The following ROBO2 variants were observed in gnomAD, a reference collection of about 807,000 sequenced individuals.
ROBO2 encodes roundabout guidance receptor 2.
Under a neutral mutation model 160.8 loss-of-function variants are expected in ROBO2, and 53 were observed. The observed-to-expected ratio is 0.33, with a 90% CI of 0.26 to 0.41. ROBO2 has a LOEUF of 0.41. ROBO2 is among the 10% of genes least tolerant of loss of function. The pLI, the probability that ROBO2 is intolerant of heterozygous loss-of-function variation, is 1.00. For synonymous variants in ROBO2, 664 were observed against 611.7 expected, an observed-to-expected ratio of 1.09 and a Z score of -1.26; for missense variants, 1,577 against 1,722.4, an observed-to-expected ratio of 0.92 and a Z score of 1.49.
chr3:76,714,813 T>C (rs2093353851), intron 2 of ROBO2, among the ~76,000 whole-genome samples: 1 of 152,158 alleles, frequency 6.6e-6, no homozygotes, highest in Admixed American at 6.5e-5. Context: ...CAGTATCCGA[T>C]GTGAAATATA....
In ROBO2 at chr3:77,332,204, T is replaced by G. The variant is rs954992699; in HGVS notation, c.389-145210T>G. Among the ~76,000 whole-genome samples, 10 of 152,232 alleles carry G rather than the reference T, an allele frequency of 6.6e-5. 1 individual carries two copies. The highest frequency in any genetic ancestry group is 5.9e-4 in the Admixed American group (9 of 15,284). On this transcript the variant is annotated intron_variant, in intron 2 of 25. Transcript: ENST00000461745. ...TATTTTTATGTCTATTGCCTAATACTTTCAAAATGAAAAGAAATGGAACAA... is the reference window on the plus strand; with the variant it reads ...TATTTTTATGTCTATTGCCTAATACGTTCAAAATGAAAAGAAATGGAACAA...
intron 2 of ROBO2, among the ~76,000 whole-genome samples, chr3:76,366,244 T>C (rs533313756): frequency 6.6e-6 from 1 of 152,162 alleles, no homozygotes; most frequent in East Asian, 1.9e-4. Flanking sequence ...AATACTCCTC[T>C]TCCTAGAACC....
intron 6 of ROBO2, among the ~76,000 whole-genome samples, chr3:77,535,267 A>C (rs1229680675): frequency 6.6e-6 from 1 of 151,212 alleles, no homozygotes. Flanking sequence ...AAATGAGATA[A>C]TGGGATGTGA....
intron 2 of ROBO2, among the ~76,000 whole-genome samples, chr3:76,195,048 G>A (rs1288686287): frequency 6.6e-6 from 1 of 152,106 alleles, no homozygotes; most frequent in Non-Finnish European, 1.5e-5. Context: ...AGGGCACCAT[G>A]TTTACATTTG....
intron 2 of ROBO2, among the ~76,000 whole-genome samples, chr3:76,859,565 G>A (rs746841402): frequency 2.6e-5 from 4 of 151,966 alleles, no homozygotes; most frequent in Non-Finnish European, 4.4e-5. Context: ...CTGTTGTCAC[G>A]TCTTCCTTTC....
chr3:76,534,293 TAATAA>T (rs1278645900), intron 2 of ROBO2, among the ~76,000 whole-genome samples: 1 of 152,110 alleles, frequency 6.6e-6, no homozygotes, highest in Non-Finnish European at 1.5e-5. Flanking sequence ...GGAACTGCCC[TAATAA>T]AATAAGTTCT....
chr3:77,307,973 A>T (rs532058491), intron 2 of ROBO2, among the ~76,000 whole-genome samples: 2 of 152,122 alleles, frequency 1.3e-5, no homozygotes, highest in South Asian at 4.1e-4. Flanking sequence ...AGAAAAAAAA[A>T]GTAGGAGTAG....
At chr3:77,490,216 T>G (rs953014716) in intron 4 of ROBO2, among the ~76,000 whole-genome samples, 40 of 149,678 alleles carry the variant, frequency 2.7e-4, no homozygotes, top group Non-Finnish European at 5.3e-4. Context: ...TTCTCCTGCC[T>G]CAGCCTCCCG....
chr3:76,853,318 T>C (rs1307609447), intron 2 of ROBO2, among the ~76,000 whole-genome samples: 1 of 152,104 alleles, frequency 6.6e-6, no homozygotes, highest in African/African-American at 2.4e-5. Flanking sequence ...CAAGAGTTAC[T>C]CAGCCTTAGA....
intron 2 of ROBO2, among the ~76,000 whole-genome samples, chr3:76,462,918 C>A (rs1287464965): frequency 6.6e-6 from 1 of 152,208 alleles, no homozygotes; most frequent in African/African-American, 2.4e-5. Context: ...AAATTTTACA[C>A]TGCCTAGCTT....
chr3:76,752,302 G>C lies in ROBO2; in HGVS notation c.110-345712G>C, dbSNP rs373413639. 4.7e-4 allele frequency among the ~76,000 whole-genome samples: 72 copies of C among 151,948 alleles called. 1 individual carries two copies. The highest frequency in any genetic ancestry group is 3.4e-3 in the Middle Eastern group (1 of 294). On this transcript the variant is annotated intron_variant, in intron 2 of 26. Transcript: ENST00000487694. ...GGGGCCTGTAGTGGGGTGGGGGTAG[G>C]GGGGAGGGATAGCATTAGGAGATAT...
intron 2 of ROBO2, among the ~76,000 whole-genome samples, chr3:76,318,090 A>T (rs2072195185): frequency 6.6e-6 from 1 of 152,018 alleles, no homozygotes; most frequent in Non-Finnish European, 1.5e-5. Flanking sequence ...ATTTACCTGA[A>T]ATATAATTTT....
At chr3:76,815,362 T>G (rs966282558) in intron 2 of ROBO2, among the ~76,000 whole-genome samples, 20 of 151,962 alleles carry the variant, frequency 1.3e-4, no homozygotes, top group African/African-American at 4.8e-4. Context: ...AGCTGAGCTA[T>G]TTTAAACCTA....
At chr3:76,707,978 G>T (rs1292560178) in intron 2 of ROBO2, among the ~76,000 whole-genome samples, 3 of 152,018 alleles carry the variant, frequency 2.0e-5, no homozygotes, top group East Asian at 3.9e-4. Context: ...AAAAAGAGAA[G>T]ATTTGTCTCT....
intron 2 of ROBO2, among the ~76,000 whole-genome samples, chr3:77,328,781 T>A (rs1313165644): frequency 6.6e-6 from 1 of 152,216 alleles, no homozygotes; most frequent in Non-Finnish European, 1.5e-5. Flanking sequence ...AAAGTGTTAT[T>A]CCCACATGCT....
At chr3:76,865,241 G>A (rs1559621342) in intron 2 of ROBO2, among the ~76,000 whole-genome samples, 1 of 152,042 alleles carries the variant, frequency 6.6e-6, no homozygotes. Context: ...CTTTTCATTT[G>A]CATTCTGTTG....
At chr3:77,229,937 C>T (rs1194298668) in intron 2 of ROBO2, among the ~76,000 whole-genome samples, 2 of 152,092 alleles carry the variant, frequency 1.3e-5, no homozygotes, top group Non-Finnish European at 2.9e-5. Flanking sequence ...ATTGTTTAAC[C>T]ATCCTTGTCT....
chr3:77,008,139 C>T (rs2061679777), intron 2 of ROBO2, among the ~76,000 whole-genome samples: 1 of 151,912 alleles, frequency 6.6e-6, no homozygotes, highest in Non-Finnish European at 1.5e-5. Context: ...TCATTATGTT[C>T]TAAGAATATT....
At chr3:75,956,775 C>T (rs1948735975) in intron 2 of ROBO2, among the ~76,000 whole-genome samples, 1 of 151,742 alleles carries the variant, frequency 6.6e-6, no homozygotes, top group African/African-American at 2.4e-5. Context: ...ACGTAGTGGT[C>T]AGTTAATATT....
Sources: gnomAD v4.1 joint callset for allele counts (sites outside exome capture counted in the v4.1 genomes callset) on GRCh38, gnomAD v4.1.1 for gene constraint, MANE v1.5 for transcripts, NCBI Gene and HGNC (gene_info 2026-07-23, HGNC 2026-07-21) for gene names.